Variants in SUGP2 observed in about 807,000 individuals in gnomAD.
SUGP2 encodes SURP and G-patch domain-containing protein 2.
SUGP2 carries 24 observed loss-of-function variants against 90.5 expected under a neutral mutation model. That is an observed-to-expected ratio of 0.27 (90% CI 0.19 to 0.37). The LOEUF is 0.37. Ranked by LOEUF, SUGP2 falls within the 10% of genes least tolerant of loss-of-function variation. The pLI, the probability that SUGP2 is intolerant of heterozygous loss-of-function variation, is 1.00. For missense variants in SUGP2, 1,233 were observed against 1,363.3 expected (o/e 0.90, Z 1.51); for synonymous variants, 473 against 513.4 (o/e 0.92, Z 1.06).
rs144992117 is a variant in SUGP2, at chr19:19,008,423, T to G, written c.2344A>C (p.Met782Leu). Residue 782 changes from methionine to leucine, a missense_variant, in exon 6 of 11, where the codon ATG becomes CTG. Physicochemically the swap from Met to Leu is conservative, Grantham distance 15. Transcript: ENST00000452918. The stretch of plus-strand genomic sequence containing the variant: ...TTCTCTGCAGTCTCCATTGTCTTCA[T>G]GTCAACTACAAAACATAAAGCACCT... ...SSPCPSADIDMKTMETAEKLA... is the reference protein window; with the variant it reads ...SSPCPSADIDLKTMETAEKLA... 6.2e-7 allele frequency: 1 copy of G among 1,613,566 alleles called. No homozygotes were observed.
At chr19:19,028,841 G>C in intron 2 of SUGP2, among the ~76,000 whole-genome samples, 1 of 152,124 alleles carries the variant, frequency 6.6e-6, no homozygotes, top group East Asian at 1.9e-4. Flanking sequence ...TGGGATTATA[G>C]GGGCCTGCCA....
rs1279390179 is a variant in SUGP2 at position 18,991,531 on chromosome 19, CCA to C, written c.*2208_*2209del. 2.0e-5 allele frequency: 3 copies of C among 152,214 alleles called. No homozygotes were observed. Among genetic ancestry groups the C allele is most frequent in the African/African-American group, 7.2e-5 (3 of 41,436 alleles). 9.4% of individuals were successfully genotyped at this position (152,214 alleles called of 1,614,324 possible). A position where few individuals can be genotyped will look rare whatever the true frequency, so the allele number is the denominator to read the frequency against. On this transcript the variant is annotated 3_prime_UTR_variant, in exon 11 of 11. Coordinates refer to ENST00000452918, the MANE Select transcript of SUGP2 (RefSeq NM_001017392.5). The stretch of plus-strand genomic sequence containing the variant: ...GTGGGGGGCGGTCAGTGGCCACACG[CCA>C]CAGATTCCTAAAGCATTTAACTTTT...
In SUGP2 at chr19:19,025,116, G is replaced by A; in HGVS notation, c.1232C>T (p.Ala411Val). 6.2e-7 allele frequency: 1 copy of A among 1,613,962 alleles called. No homozygotes were observed. The highest frequency in any genetic ancestry group is 1.6e-4 in the Middle Eastern group (1 of 6,062). The change falls in exon 3 of 11, where the codon GCT (alanine) becomes GTT (valine). Residue 411 changes from alanine to valine, a missense_variant. Ala to Val is a moderately conservative substitution (Grantham distance 64, BLOSUM62 0). This residue lies in a region of SUGP2 where 55 missense variants were observed against 82.0 expected (regional missense o/e 0.67). Coordinates refer to ENST00000452918, the MANE Select transcript of SUGP2 (RefSeq NM_001017392.5). The part of the protein sequence containing the change: ...EFLNMLLDKG[A>V]VKTKNCFFEI... ...AAAAAAGCAATTTTTGGTCTTCACA[G>A]CACCTTTGTCTAAAAGCATGTTTAA...
chr19:19,011,994 A>G (rs1182637553), intron 4 of SUGP2, among the ~76,000 whole-genome samples: 1 of 152,254 alleles, frequency 6.6e-6, no homozygotes, highest in Non-Finnish European at 1.5e-5. Flanking sequence ...ATCAGTTATT[A>G]GATGAGGTTC....
rs1395760701 is a variant in SUGP2 at position 19,010,485 on chromosome 19, G to C, written c.1851-143C>G. On this transcript the variant is annotated intron_variant, in intron 4 of 10. Transcript: ENST00000452918. Reference sequence around the variant, plus strand: ...AGAGGCTCTGCCTGGCTCTACTGAGGACCCAGAGCTAGGCCCAAGACAGCT... The same window carrying C: ...AGAGGCTCTGCCTGGCTCTACTGAGCACCCAGAGCTAGGCCCAAGACAGCT... 3 of 1,183,814 alleles carry C rather than the reference G, an allele frequency of 2.5e-6. No individual in the cohort carries two copies. In the Admixed American group the frequency reaches 6.7e-5, roughly 27 times the overall value. The allele number at this position is 1,183,814 out of a possible 1,614,324, so 73.3% of individuals were successfully genotyped here.
At position 19,008,390 on chromosome 19, in the gene SUGP2, T is replaced by C; in HGVS notation, c.2377A>G (p.Arg793Gly). ...KTMETAEKLARFVAQVGPEIE... is the reference protein window; with the variant it reads ...KTMETAEKLAGFVAQVGPEIE... Reference sequence around the variant, plus strand: ...TCTGGTCCCACCTGAGCAACAAATCTAGCCAGTTTCTCTGCAGTCTCCATT... The same window carrying C: ...TCTGGTCCCACCTGAGCAACAAATCCAGCCAGTTTCTCTGCAGTCTCCATT... Residue 793 changes from arginine (R) to glycine (G), a missense_variant, in exon 6 of 11, where the codon AGA becomes GGA. By Grantham distance (125) the Arg-to-Gly change is moderately radical (BLOSUM62 -2). This residue lies in a region of SUGP2 where 540 missense variants were observed against 542.6 expected (regional missense o/e 1.00). Coordinates refer to ENST00000452918, the MANE Select transcript of SUGP2 (RefSeq NM_001017392.5). 1.2e-6 allele frequency: 2 copies of C among 1,614,240 alleles called. No individual in the cohort carries two copies. Among genetic ancestry groups the C allele is most frequent in the Non-Finnish European group, 1.7e-6 (2 of 1,180,032 alleles).
At chr19:19,031,187 C>G in intron 1 of SUGP2, 105 bp from the exon 2 acceptor site, 1 of 1,226,696 alleles carries the variant, frequency 8.2e-7, no homozygotes, top group Non-Finnish European at 1.1e-6. Context: ...GTGGGCGGAT[C>G]ACCTGAGCTC....
intron 2 of SUGP2, among the ~76,000 whole-genome samples, chr19:19,027,714 C>T (rs934717343): frequency 1.3e-5 from 2 of 151,848 alleles, no homozygotes; most frequent in East Asian, 3.9e-4. Flanking sequence ...CTTGGCTCAC[C>T]GCAACCTCCA....
chr19:19,007,477 A>C (rs1009520461), intron 6 of SUGP2: 6 of 151,000 alleles, frequency 4.0e-5, no homozygotes, highest in Non-Finnish European at 8.8e-5. Context: ...TTTGAGATGG[A>C]GTTTCACTCT....
Position 18,993,115 on chromosome 19 carries a change from C to T in SUGP2, c.*626G>A, listed in dbSNP as rs1272907017. On this transcript the variant is annotated 3_prime_UTR_variant, in exon 11 of 11. Coordinates refer to ENST00000452918, the MANE Select transcript of SUGP2 (RefSeq NM_001017392.5). The stretch of plus-strand genomic sequence containing the variant: ...TTTCATCTGTTTAATGATTACTCCC[C>T]ACCCGATAGAGCTATTCTATACTGT... 1 of 152,176 alleles carries T rather than the reference C, an allele frequency of 6.6e-6. No homozygotes were observed. The highest frequency in any genetic ancestry group is 2.4e-5 in the African/African-American group (1 of 41,430). The allele number at this position is 152,176 out of a possible 1,614,324, so 9.4% of individuals were successfully genotyped here. A position where few individuals can be genotyped will look rare whatever the true frequency, so the allele number is the denominator to read the frequency against.
At chr19:19,007,756 T>A (rs944460396) in intron 6 of SUGP2, among the ~76,000 whole-genome samples, 1 of 98,326 alleles carries the variant, frequency 1.0e-5, no homozygotes, top group Non-Finnish European at 2.1e-5. Context: ...GCACCTAGCC[T>A]TTTTTTTTTT....
At chr19:18,995,731 C>T (rs1340384389) in intron 8 of SUGP2, among the ~76,000 whole-genome samples, 1 of 152,164 alleles carries the variant, frequency 6.6e-6, no homozygotes, top group Admixed American at 6.5e-5. Flanking sequence ...TGGCAGCACC[C>T]TCCCTGAACC....
chr19:19,005,602 C>G (rs1333937391), intron 6 of SUGP2, among the ~76,000 whole-genome samples: 1 of 152,006 alleles, frequency 6.6e-6, no homozygotes, highest in Non-Finnish European at 1.5e-5. Context: ...ATTAAGGTAA[C>G]CTCTCAAACT....
chr19:19,030,473 C>T (rs1232079107), intron 2 of SUGP2, among the ~76,000 whole-genome samples: 1 of 152,190 alleles, frequency 6.6e-6, no homozygotes, highest in Non-Finnish European at 1.5e-5. Context: ...AAGATCCCTC[C>T]ATTGCCCTCC....
chr19:19,022,585 A>G (rs182185535), intron 3 of SUGP2, among the ~76,000 whole-genome samples: 190 of 152,328 alleles, frequency 1.2e-3, no homozygotes, highest in Middle Eastern at 3.4e-3. Flanking sequence ...TCAGTCCAGC[A>G]TGCCTGCAGC....
chr19:19,004,084 G>A (rs1487216417), intron 7 of SUGP2, 84 bp downstream of exon 7: 6 of 1,067,382 alleles, frequency 5.6e-6, no homozygotes, highest in African/African-American at 1.6e-5. Context: ...GGATTAAAAT[G>A]TCTCCACCTG....
intron 3 of SUGP2, among the ~76,000 whole-genome samples, chr19:19,019,975 C>T (rs183373402): frequency 5.2e-5 from 5 of 97,010 alleles, no homozygotes; most frequent in African/African-American, 1.6e-4. Context: ...GGTGAAACTC[C>T]GTCTCTGCTA....
intron 7 of SUGP2, chr19:19,003,433 G>A (rs10406282): frequency 0.023 from 3,502 of 152,372 alleles, 131 homozygotes; most frequent in African/African-American, 0.08. Flanking sequence ...GCCACGGCGT[G>A]CCCATCAAAA....
At chr19:19,021,108 G>A (rs1189702781) in intron 3 of SUGP2, among the ~76,000 whole-genome samples, 2 of 132,488 alleles carry the variant, frequency 1.5e-5, no homozygotes, top group Non-Finnish European at 3.0e-5. Context: ...GCGGTGAGCC[G>A]AGATCATGCC....
Sources: gnomAD v4.1 joint callset for allele counts (sites outside exome capture counted in the v4.1 genomes callset) on GRCh38, gnomAD v4.1.1 for gene constraint, gnomAD v4.1.1 regional missense constraint, MANE v1.5 for transcripts, NCBI Gene and HGNC (gene_info 2026-07-23, HGNC 2026-07-21) for gene names.